Variants in MAST3 observed in about 807,000 individuals in gnomAD.
MAST3 encodes the protein microtubule associated serine/threonine kinase 3.
In MAST3, 43 loss-of-function variants were observed where a neutral mutation model predicts 127.0. That is an observed-to-expected ratio of 0.34 (90% confidence interval 0.27 to 0.44). The LOEUF is 0.44. MAST3 is among the 20% of genes least tolerant of loss of function. The pLI is 1.00. For missense variants in MAST3, 1,390 were observed against 1,919.1 expected, an observed-to-expected ratio of 0.72 and a Z score of 5.15; for synonymous variants, 785 against 809.2, an observed-to-expected ratio of 0.97 and a Z score of 0.51.
In MAST3 at chr19:18,110,129, C is replaced by G; in HGVS notation, c.72-523C>G. 1 of 985,378 alleles carries G rather than the reference C, an allele frequency of 1.0e-6. No homozygotes were observed. Among genetic ancestry groups the G allele is most frequent in the Non-Finnish European group, 1.2e-6 (1 of 829,936 alleles). The allele number at this position is 985,378 out of a possible 1,614,324, so 61.0% of individuals were successfully genotyped here. ...CTGCGCGCAGGTGCGGAGCTGCGATCCCCGCCCCGAGGCGGAGCCAGCCCG... is the reference window on the plus strand; with the variant it reads ...CTGCGCGCAGGTGCGGAGCTGCGATGCCCGCCCCGAGGCGGAGCCAGCCCG... On this transcript the variant is annotated intron_variant, in intron 2 of 27. Coordinates refer to ENST00000687212, the MANE Select transcript of MAST3 (RefSeq NM_001393504.1). This position sits in a 1 kb window ranked among gnomAD's most constrained non-coding sequence, Gnocchi z 4.3.
rs118023128 is a variant in MAST3, at chr19:18,138,403, A to G, written c.2096-612A>G. On this transcript the variant is annotated intron_variant, in intron 19 of 27. Transcript: ENST00000687212. The stretch of plus-strand genomic sequence containing the variant: ...GCGATCTCGGCTTACTGGAACTTCT[A>G]CCTCCCGGTTTCAAGCAATTATCTG... 3.0e-3 allele frequency among the ~76,000 whole-genome samples: 446 copies of G among 147,444 alleles called. 11 individuals are homozygous for G. Among genetic ancestry groups the G allele is most frequent in the Admixed American group, 0.021 (302 of 14,722 alleles).
At chr19:18,129,195 G>T in intron 13 of MAST3, 2 of 542,370 alleles carry the variant, frequency 3.7e-6, no homozygotes, top group Non-Finnish European at 3.3e-6. Context: ...CGTTCTAGGG[G>T]CTTGGGGGCT....
intron 3 of MAST3, chr19:18,118,163 AGCAT>A: frequency 1.0e-6 from 1 of 985,308 alleles, no homozygotes; most frequent in Non-Finnish European, 1.2e-6. Flanking sequence ...AAAGGGAAGC[AGCAT>A]GTCCGACCCC....
At chr19:18,105,282 G>A (rs930162338) in intron 1 of MAST3, among the ~76,000 whole-genome samples, 3 of 152,042 alleles carry the variant, frequency 2.0e-5, no homozygotes, top group Non-Finnish European at 4.4e-5. Flanking sequence ...CAGGAGAATC[G>A]CTTGAACCCG....
chr19:18,102,671 G>A (rs1042748334), intron 1 of MAST3, among the ~76,000 whole-genome samples: 7 of 152,042 alleles, frequency 4.6e-5, no homozygotes, highest in Non-Finnish European at 7.4e-5. Flanking sequence ...AAGTAGAGAC[G>A]GGGTTTCACT....
chr19:18,118,577 T>G (rs1031494818), intron 3 of MAST3, among the ~76,000 whole-genome samples: 4 of 152,100 alleles, frequency 2.6e-5, no homozygotes, highest in African/African-American at 9.7e-5. Flanking sequence ...TTGGAAAAAC[T>G]GAGGCTGATC....
chr19:18,123,805 C>CTT (rs2040271173), intron 8 of MAST3, 134 bp from the exon 9 acceptor site: 5 of 1,065,810 alleles, frequency 4.7e-6, no homozygotes, highest in Non-Finnish European at 6.7e-6. Flanking sequence ...GTCGTTCCTC[C>CTT]TGCACCAGCC....
chr19:18,148,611 G>C (rs1164700108), intron 27 of MAST3, among the ~76,000 whole-genome samples: 4 of 152,050 alleles, frequency 2.6e-5, no homozygotes, highest in Non-Finnish European at 4.4e-5. Flanking sequence ...AGGCAGAAAA[G>C]TCTGGCATGA....
rs188403276 is a variant in MAST3 at position 18,151,198 on chromosome 19, C to T, written c.*1472C>T. The T allele has an allele frequency of 6.6e-6, 1 of 152,340 alleles. No individual in the cohort carries two copies. Among genetic ancestry groups the T allele is most frequent in the East Asian group, 1.9e-4 (1 of 5,188 alleles). 9.4% of individuals were successfully genotyped at this position (152,340 alleles called of 1,614,324 possible). Reference sequence around the variant, plus strand: ...CTTTCCCACTCTGTGCCTCAGTTTCCTTGTGTTTACAAGACTAATCCCATT... The same window carrying T: ...CTTTCCCACTCTGTGCCTCAGTTTCTTTGTGTTTACAAGACTAATCCCATT... On this transcript the variant is annotated 3_prime_UTR_variant, in exon 28 of 28. Coordinates refer to ENST00000687212, the MANE Select transcript of MAST3 (RefSeq NM_001393504.1).
chr19:18,128,351 C>G, intron 11 of MAST3, 49 bp from the exon 12 acceptor site: 1 of 1,460,840 alleles, frequency 6.8e-7, no homozygotes, highest in Non-Finnish European at 9.2e-7. Context: ...CTGGGTGATG[C>G]AGGGTGAGGC....
At chr19:18,141,275 C>T (rs1209169839) in intron 20 of MAST3, among the ~76,000 whole-genome samples, 1 of 151,754 alleles carries the variant, frequency 6.6e-6, no homozygotes, top group Admixed American at 6.6e-5. Flanking sequence ...GTACAATGGG[C>T]TAAAGTCTAT....
intron 1 of MAST3, among the ~76,000 whole-genome samples, chr19:18,101,646 T>C (rs1294078795): frequency 6.6e-6 from 1 of 152,142 alleles, no homozygotes; most frequent in Non-Finnish European, 1.5e-5. Flanking sequence ...GTCTCTCTTT[T>C]TTTAGACAGG....
chr19:18,149,804 A>G lies in MAST3; in HGVS notation c.*78A>G. The G allele has an allele frequency of 6.3e-7, 1 of 1,576,506 alleles. No homozygotes were observed. Among genetic ancestry groups the G allele is most frequent in the Non-Finnish European group, 8.6e-7 (1 of 1,167,728 alleles). ...GTTTTTTCCGTAAAGTCATGCCTGGATGGGGACTGAGCCACCAGCCTGACA... is the reference window on the plus strand; with the variant it reads ...GTTTTTTCCGTAAAGTCATGCCTGGGTGGGGACTGAGCCACCAGCCTGACA... On this transcript the variant is annotated 3_prime_UTR_variant, in exon 28 of 28. Coordinates refer to ENST00000687212, the MANE Select transcript of MAST3 (RefSeq NM_001393504.1). This position sits in a 1 kb window ranked among gnomAD's most constrained non-coding sequence, Gnocchi z 5.9.
intron 3 of MAST3, among the ~76,000 whole-genome samples, chr19:18,119,574 G>A (rs2039708515): frequency 2.0e-5 from 3 of 152,364 alleles, no homozygotes; most frequent in Middle Eastern, 3.4e-3. Flanking sequence ...TGTTGGGGAT[G>A]TAATTCACTC....
intron 14 of MAST3, among the ~76,000 whole-genome samples, chr19:18,131,213 C>G (rs781403146): frequency 4.0e-5 from 6 of 151,540 alleles, no homozygotes; most frequent in Non-Finnish European, 7.4e-5. Context: ...GTCAGGACTT[C>G]GAGACCAGCC....
intron 17 of MAST3, 70 bp downstream of exon 17, chr19:18,135,052 C>T (rs527691133): frequency 3.6e-5 from 54 of 1,503,510 alleles, no homozygotes; most frequent in East Asian, 1.1e-4. Flanking sequence ...GTCCTCCACC[C>T]GCATGTCAGG....
At chr19:18,123,461 T>G in intron 7 of MAST3, 87 bp downstream of exon 7, 1 of 1,486,626 alleles carries the variant, frequency 6.7e-7, no homozygotes, top group Non-Finnish European at 9.0e-7. Context: ...ACCCCAGCCC[T>G]GACCCTGCCT....
Position 18,145,139 on chromosome 19 carries a change from C to T in MAST3, c.2949C>T (p.His983=), listed in dbSNP as rs1346637914. The change falls in exon 24 of 28, where the codon CAC becomes CAT. Residue 983 remains histidine (H), a synonymous_variant. Transcript: ENST00000687212. The surrounding 1 kb of genome is among the most constrained non-coding windows in gnomAD (Gnocchi z 5.9). ...CGSLRPPIVI[H]SSGKKYGFSL... is the part of the protein sequence containing the mutation. ...GCCTGCGGCCCCCCATCGTTATCCA[C>T]AGCTCTGGCAAGAAGTACGGCTTCA... is the stretch of plus-strand genomic sequence containing the variant. 6.2e-7 allele frequency: 1 copy of T among 1,613,960 alleles called. No homozygotes were observed.
In MAST3 at chr19:18,124,711, A is replaced by G. The variant is rs1366586788; in HGVS notation, c.1015A>G (p.Ile339Val). ...AEGHAREGQG[I>V]KTDLPQYIIG... The stretch of plus-strand genomic sequence containing the variant: ...GGGCCATGCGCGGGAGGGCCAAGGC[A>G]TTAAGACTGACCTTCCACAGTACAT... Residue 339 changes from isoleucine to valine, a missense_variant, in exon 11 of 28, where the codon ATT (isoleucine) becomes GTT (valine). Ile to Val is a conservative substitution (Grantham distance 29). Coordinates refer to ENST00000687212, the MANE Select transcript of MAST3 (RefSeq NM_001393504.1). 1 of 1,612,076 alleles carries G rather than the reference A, an allele frequency of 6.2e-7. No homozygotes were observed. The highest frequency in any genetic ancestry group is 8.5e-7 in the Non-Finnish European group (1 of 1,179,208).
Sources: gnomAD v4.1 joint callset for allele counts (sites outside exome capture counted in the v4.1 genomes callset) on GRCh38, gnomAD v4.1.1 for gene constraint, Gnocchi (gnomAD v3.1) non-coding constraint, MANE v1.5 for transcripts, NCBI Gene and HGNC (gene_info 2026-07-23, HGNC 2026-07-21) for gene names.